The following F13A1 variants were observed in gnomAD, a reference collection of about 807,000 sequenced individuals.
F13A1 encodes the protein coagulation factor XIII A chain, also known as FSF, A subunit.
F13A1 carries 47 observed loss-of-function variants against 80.1 expected under a neutral mutation model. That is an observed-to-expected ratio of 0.59 (90% CI 0.46 to 0.75). The LOEUF (loss-of-function observed/expected upper bound fraction) is 0.75. Ranked by LOEUF, F13A1 falls within the 30% of genes least tolerant of loss-of-function variation. The probability of loss-of-function intolerance (pLI) is 0.00; values close to 1 mark genes in which losing one functional copy is unlikely to be tolerated. For synonymous variants in F13A1, 349 were observed against 344.9 expected, an observed-to-expected ratio of 1.01 and a Z score of -0.13; for missense variants, 817 against 930.4, an observed-to-expected ratio of 0.88 and a Z score of 1.59.
At chr6:6,247,827 G>A (rs779348053) in intron 6 of F13A1, among the ~76,000 whole-genome samples, 15 of 152,176 alleles carry the variant, frequency 9.9e-5, no homozygotes, top group South Asian at 4.1e-4. Context: ...TACCCACTTC[G>A]TAAGTGAGAA....
chr6:6,244,684 G>A (rs1757531143), intron 6 of F13A1, among the ~76,000 whole-genome samples: 1 of 152,204 alleles, frequency 6.6e-6, no homozygotes, highest in South Asian at 2.1e-4. Context: ...GAATAAAAGA[G>A]TATTCTTGCT....
At chr6:6,220,397 C>A (rs1482834728) in intron 8 of F13A1, among the ~76,000 whole-genome samples, 2 of 152,184 alleles carry the variant, frequency 1.3e-5, no homozygotes, top group Non-Finnish European at 2.9e-5. Flanking sequence ...AGGGCAAGAT[C>A]TACCTTCGCT....
chr6:6,199,054 T>C (rs1761344589), intron 8 of F13A1, among the ~76,000 whole-genome samples: 1 of 152,236 alleles, frequency 6.6e-6, no homozygotes, highest in Non-Finnish European at 1.5e-5. Flanking sequence ...ATAGCGTGTT[T>C]GAACATTCAG....
intron 3 of F13A1, among the ~76,000 whole-genome samples, chr6:6,269,121 G>A (rs1055477371): frequency 6.6e-6 from 1 of 152,116 alleles, no homozygotes. Context: ...TACGTTACTT[G>A]TGTTGATTGA....
intron 10 of F13A1, among the ~76,000 whole-genome samples, chr6:6,191,999 GCA>G (rs1761210357): frequency 6.6e-6 from 1 of 152,250 alleles, no homozygotes; most frequent in African/African-American, 2.4e-5. Context: ...AGACTTGAAT[GCA>G]GAGAGGGAAC....
At chr6:6,170,789 C>T (rs1298995648) in intron 12 of F13A1, among the ~76,000 whole-genome samples, 1 of 152,148 alleles carries the variant, frequency 6.6e-6, no homozygotes, top group Non-Finnish European at 1.5e-5. Flanking sequence ...GCAGAGGCAT[C>T]TAAGAATGCT....
At chr6:6,183,135 T>C (rs1328414315) in intron 10 of F13A1, among the ~76,000 whole-genome samples, 4 of 152,164 alleles carry the variant, frequency 2.6e-5, no homozygotes, top group Non-Finnish European at 5.9e-5. Context: ...GTTCCAGTTA[T>C]TATCATGGAA....
In F13A1 at chr6:6,316,078, CATATATATAT is replaced by C. The variant is rs57716665; in HGVS notation, c.130+2447_130+2456del. Among the ~76,000 whole-genome samples the C allele has an allele frequency of 3.7e-3, 129 of 34,896 alleles. 6 individuals are homozygous for C. Among genetic ancestry groups the C allele is most frequent in the East Asian group, 5.1e-3 (5 of 976 alleles). 22.9% of individuals were successfully genotyped at this position (34,896 alleles called of 152,430 possible). ...GTTTGTGTGCTGCTATGTGTGTGTG[CATATATATAT>C]ATATATATATATATATATATATATA... On this transcript the variant is annotated intron_variant, in intron 2 of 14. Coordinates refer to ENST00000264870, the MANE Select transcript of F13A1 (RefSeq NM_000129.4).
intron 3 of F13A1, among the ~76,000 whole-genome samples, chr6:6,273,839 GA>G (rs1561675421): frequency 6.6e-6 from 1 of 152,214 alleles, no homozygotes; most frequent in East Asian, 1.9e-4. Context: ...GACCAAGTGG[GA>G]ATAAGTCACC....
In F13A1 at chr6:6,261,582, C is replaced by T. The variant is rs897014462; in HGVS notation, c.571+4976G>A. 2.0e-4 allele frequency among the ~76,000 whole-genome samples: 17 copies of T among 83,716 alleles called. 1 individual carries two copies. Among genetic ancestry groups the T allele is most frequent in the African/African-American group, 5.6e-4 (16 of 28,754 alleles). 54.9% of individuals were successfully genotyped at this position (83,716 alleles called of 152,430 possible). ...GCTGCACAGAAGTGGCTGAACAAGC[C>T]CTCCAGGTGATTCTGATGTGTTCCA... is the stretch of plus-strand genomic sequence containing the variant. On this transcript the variant is annotated intron_variant, in intron 4 of 14. Transcript: ENST00000264870.
intron 14 of F13A1, among the ~76,000 whole-genome samples, chr6:6,149,714 A>T (rs1760339484): frequency 6.6e-6 from 1 of 152,224 alleles, no homozygotes; most frequent in Admixed American, 6.5e-5. Flanking sequence ...TGTATAAGCC[A>T]CCCAGTCTAT....
At chr6:6,173,190 A>G (rs536309582) in intron 12 of F13A1, among the ~76,000 whole-genome samples, 12 of 152,180 alleles carry the variant, frequency 7.9e-5, no homozygotes, top group African/African-American at 2.7e-4. Context: ...CGAACATCCT[A>G]GGAAATGTGA....
intron 10 of F13A1, among the ~76,000 whole-genome samples, chr6:6,190,787 G>T (rs1389332795): frequency 2.6e-5 from 4 of 151,994 alleles, no homozygotes; most frequent in African/African-American, 4.8e-5. Flanking sequence ...GTTTACCTAA[G>T]CAAGCCTGGG....
intron 13 of F13A1, among the ~76,000 whole-genome samples, chr6:6,154,518 C>A (rs192556950): frequency 1.3e-5 from 2 of 152,154 alleles, no homozygotes; most frequent in Admixed American, 6.5e-5. Context: ...CAGGAGCAGC[C>A]CCGCACCCCA....
At chr6:6,164,923 G>A (rs577732971) in intron 13 of F13A1, among the ~76,000 whole-genome samples, 9 of 151,396 alleles carry the variant, frequency 5.9e-5, no homozygotes, top group Non-Finnish European at 1.2e-4. Flanking sequence ...TCCACAGGCC[G>A]GAGCTTCTGC....
At chr6:6,289,000 C>T (rs185960850) in intron 3 of F13A1, among the ~76,000 whole-genome samples, 1 of 152,308 alleles carries the variant, frequency 6.6e-6, no homozygotes, top group East Asian at 1.9e-4. Context: ...GGGTAAATCA[C>T]TTAATCCCTG....
intron 8 of F13A1, among the ~76,000 whole-genome samples, chr6:6,220,750 T>A (rs1341420991): frequency 6.6e-6 from 1 of 152,238 alleles, no homozygotes; most frequent in Non-Finnish European, 1.5e-5. Context: ...AAGTGTTCTT[T>A]AAATTTCTGT....
intron 10 of F13A1, among the ~76,000 whole-genome samples, chr6:6,192,734 G>C (rs1447701196): frequency 6.6e-6 from 1 of 152,192 alleles, no homozygotes; most frequent in East Asian, 1.9e-4. Context: ...TGGTTGCTGT[G>C]GTCCCAGGGA....
At chr6:6,280,646 A>G (rs1758047578) in intron 3 of F13A1, among the ~76,000 whole-genome samples, 1 of 152,178 alleles carries the variant, frequency 6.6e-6, no homozygotes, top group South Asian at 2.1e-4. Context: ...ATGTAAAGAA[A>G]CCGTATTGAG....
Sources: gnomAD v4.1 joint callset for allele counts (sites outside exome capture counted in the v4.1 genomes callset) on GRCh38, gnomAD v4.1.1 for gene constraint, MANE v1.5 for transcripts, NCBI Gene and HGNC (gene_info 2026-07-23, HGNC 2026-07-21) for gene names.